PTK2: variants seen among roughly 807,000 people sequenced by gnomAD.
PTK2 encodes the protein protein tyrosine kinase 2, also known as focal adhesion kinase 1.
PTK2 carries 45 observed loss-of-function variants against 150.1 expected under a neutral mutation model. The observed-to-expected ratio is 0.30, with a 90% CI of 0.24 to 0.38. The LOEUF is 0.38. PTK2 is among the 10% of genes least tolerant of loss of function. PTK2 has a pLI of 1.00. For synonymous variants in PTK2, 432 were observed against 449.2 expected (o/e 0.96, Z 0.48); for missense variants, 919 against 1,307.3 (o/e 0.70, Z 4.58).
At chr8:140,844,294 T>C (rs1261807558) in intron 7 of PTK2, among the ~76,000 whole-genome samples, 2 of 152,210 alleles carry the variant, frequency 1.3e-5, no homozygotes, top group African/African-American at 4.8e-5. Flanking sequence ...CTTCCTTTCC[T>C]TATTATACTC....
At chr8:140,678,110 AAT>A (rs2100014923) in intron 27 of PTK2, among the ~76,000 whole-genome samples, 1 of 152,168 alleles carries the variant, frequency 6.6e-6, no homozygotes, top group African/African-American at 2.4e-5. Context: ...GTAGTGGCAC[AAT>A]CTTGGCTCAC....
intron 26 of PTK2, among the ~76,000 whole-genome samples, chr8:140,692,668 TAC>T (rs1329701908): frequency 1.3e-5 from 2 of 151,944 alleles, no homozygotes; most frequent in African/African-American, 4.8e-5. Flanking sequence ...TCGGCTTAGC[TAC>T]AGTCTCTACT....
chr8:140,742,521 C>T lies in PTK2; in HGVS notation c.1735+709G>A, dbSNP rs117002330. Among the ~76,000 whole-genome samples the T allele has an allele frequency of 2.6e-4, 40 of 152,302 alleles. 1 individual carries two copies. The East Asian group carries it at 7.7e-3, about 29-fold the overall frequency. The stretch of plus-strand genomic sequence containing the variant: ...GCAATTTAGTTTCTCTGCATCTTTG[C>T]CAGCATATTCTTTATTTTAACAACT... On this transcript the variant is annotated intron_variant, in intron 20 of 31. Transcript: ENST00000522684.
chr8:140,749,877 A>G (rs1565611824), intron 17 of PTK2, among the ~76,000 whole-genome samples: 2 of 152,258 alleles, frequency 1.3e-5, no homozygotes, highest in Admixed American at 6.5e-5. Flanking sequence ...ATAAAACTAT[A>G]TAACTGATTT....
chr8:140,980,178 C>T (rs1311268779), intron 1 of PTK2, among the ~76,000 whole-genome samples: 1 of 152,158 alleles, frequency 6.6e-6, no homozygotes, highest in Non-Finnish European at 1.5e-5. Context: ...GCAAGCAAAC[C>T]AACTGCCCAT....
rs557080431 is a variant in PTK2, at chr8:140,911,221, CTTTT to C, written c.-33+14436_-33+14439del. On this transcript the variant is annotated intron_variant, in intron 2 of 31. Coordinates refer to ENST00000522684, the Ensembl canonical transcript of PTK2. ...TTTTTTATTGTAGGTTTTTGTCTGCCTTTTTTTTCTGGCAATTTTATTTCATGGT... is the reference window on the plus strand; with the variant it reads ...TTTTTTATTGTAGGTTTTTGTCTGCCTTTTCTGGCAATTTTATTTCATGGT... 3.9e-4 allele frequency among the ~76,000 whole-genome samples: 59 copies of C among 151,676 alleles called. 1 individual carries two copies. Among genetic ancestry groups the C allele is most frequent in the Middle Eastern group, 3.4e-3 (1 of 294 alleles).
chr8:140,819,703 A>T (rs1432977181), intron 8 of PTK2, among the ~76,000 whole-genome samples: 2 of 152,234 alleles, frequency 1.3e-5, no homozygotes, highest in African/African-American at 4.8e-5. Context: ...GATGCCTTTA[A>T]AAGGCAAGAG....
chr8:140,895,607 G>T (rs531165764), intron 2 of PTK2, among the ~76,000 whole-genome samples: 2 of 152,138 alleles, frequency 1.3e-5, no homozygotes, highest in African/African-American at 4.8e-5. Flanking sequence ...ATCTGTGAAG[G>T]GGGGATGGTT....
At chr8:140,864,071 T>C (rs1181706173) in intron 5 of PTK2, among the ~76,000 whole-genome samples, 2 of 152,224 alleles carry the variant, frequency 1.3e-5, no homozygotes, top group Non-Finnish European at 2.9e-5. Context: ...CAAGAAATGA[T>C]TGTAGACCTA....
intron 2 of PTK2, chr8:140,921,043 A>G: frequency 9.9e-6 from 13 of 1,311,538 alleles, no homozygotes; most frequent in Non-Finnish European, 1.3e-5. Flanking sequence ...CAGAGCTTGA[A>G]GCAAAATTTG....
At chr8:140,793,684 A>ATGAT (rs1475869386) in intron 12 of PTK2, among the ~76,000 whole-genome samples, 1 of 152,272 alleles carries the variant, frequency 6.6e-6, no homozygotes, top group Non-Finnish European at 1.5e-5. Context: ...AGGGTTTCTT[A>ATGAT]TGATTAGTCA....
chr8:140,723,910 A>T (rs1296443076), intron 22 of PTK2, among the ~76,000 whole-genome samples: 5 of 152,262 alleles, frequency 3.3e-5, no homozygotes, highest in Admixed American at 3.3e-4. Flanking sequence ...TGAAGTGATC[A>T]GTTCACAGTA....
At chr8:140,898,966 G>A (rs2100157395) in intron 2 of PTK2, among the ~76,000 whole-genome samples, 1 of 152,048 alleles carries the variant, frequency 6.6e-6, no homozygotes, top group Non-Finnish European at 1.5e-5. Flanking sequence ...TAAGAATCTG[G>A]GTAATATTTC....
chr8:140,711,868 T>G (rs1427966531), intron 23 of PTK2, among the ~76,000 whole-genome samples: 4 of 152,248 alleles, frequency 2.6e-5, no homozygotes. Flanking sequence ...CTCCAAACAC[T>G]AGTATTCCTC....
At chr8:140,700,869 A>G (rs1292426600) in intron 26 of PTK2, 22 bp downstream of exon 29, 2 of 1,612,712 alleles carry the variant, frequency 1.2e-6, no homozygotes, top group Non-Finnish European at 1.7e-6. Flanking sequence ...AAGTCAAAGA[A>G]GCCTTTCAGA....
intron 21 of PTK2, among the ~76,000 whole-genome samples, chr8:140,738,595 A>T (rs2100053893): frequency 6.6e-6 from 1 of 152,210 alleles, no homozygotes; most frequent in Non-Finnish European, 1.5e-5. Flanking sequence ...GGACTCCAGA[A>T]TAAAGAGACA....
intron 1 of PTK2, among the ~76,000 whole-genome samples, chr8:140,964,249 C>G (rs1316891676): frequency 6.6e-6 from 1 of 152,166 alleles, no homozygotes; most frequent in Non-Finnish European, 1.5e-5. Flanking sequence ...TTTTAAGAGA[C>G]AGGGTCTTGC....
In PTK2 at chr8:140,873,405, TTC is replaced by T. The variant is rs1299784247; in HGVS notation, c.362+6064_362+6065del. On this transcript the variant is annotated intron_variant, in intron 4 of 31. Transcript: ENST00000522684. ...TCTATGTTAATTGGCCAAACTTATT[TTC>T]TCTTTTATGATAACATCTTCATGTC... Among the ~76,000 whole-genome samples, 11 of 152,350 alleles carry T rather than the reference TTC, an allele frequency of 7.2e-5. No homozygotes were observed. In the East Asian group the frequency reaches 2.1e-3, roughly 29 times the overall value.
chr8:140,793,245 A>G (rs2100089579), intron 13 of PTK2, 109 bp downstream of exon 13: 1 of 1,187,146 alleles, frequency 8.4e-7, no homozygotes, highest in African/African-American at 1.6e-5. Flanking sequence ...TAGTTCCTTG[A>G]TCATGTATAT....
Sources: gnomAD v4.1 joint callset for allele counts (sites outside exome capture counted in the v4.1 genomes callset) on GRCh38, gnomAD v4.1.1 for gene constraint, MANE v1.5 for transcripts, NCBI Gene and HGNC (gene_info 2026-07-23, HGNC 2026-07-21) for gene names.